Variants in ZNF730 observed in about 807,000 individuals in gnomAD.
ZNF730 encodes the protein zinc finger protein 730, also known as putative zinc finger protein 730.
ZNF730 carries 12 observed loss-of-function variants against 12.6 expected under a neutral mutation model. That is an observed-to-expected ratio of 0.95 (90% CI 0.61 to 1.54). The LOEUF (loss-of-function observed/expected upper bound fraction) is 1.54. Ranked by LOEUF, ZNF730 falls within the 40% of genes most tolerant of loss-of-function variation. The pLI is 0.00. For missense variants in ZNF730, 643 were observed against 583.5 expected (o/e 1.10, Z -1.05); for synonymous variants, 194 against 195.8 (o/e 0.99, Z 0.08).
chr19:23,130,111 C>T (rs1046390537), intron 1 of ZNF730, among the ~76,000 whole-genome samples: 1 of 152,064 alleles, frequency 6.6e-6, no homozygotes, highest in African/African-American at 2.4e-5. Flanking sequence ...GCTGTGTCCC[C>T]ACCCAAATCT....
At chr19:23,140,745 A>G (rs1599601315) in intron 3 of ZNF730, among the ~76,000 whole-genome samples, 2 of 151,826 alleles carry the variant, frequency 1.3e-5, no homozygotes, top group Admixed American at 6.6e-5. Flanking sequence ...CAAGGTCAGG[A>G]GTTCAAGACC....
intron 1 of ZNF730, among the ~76,000 whole-genome samples, chr19:23,076,104 T>C (rs939636912): frequency 3.9e-5 from 6 of 152,164 alleles, no homozygotes; most frequent in African/African-American, 1.4e-4. Context: ...GCAGTAAAAT[T>C]ATAAATTTCC....
intron 1 of ZNF730, among the ~76,000 whole-genome samples, chr19:23,082,261 T>C (rs911691058): frequency 7.2e-5 from 11 of 152,194 alleles, no homozygotes; most frequent in Non-Finnish European, 4.4e-5. Flanking sequence ...AGTAAAATTA[T>C]GAGATCATGA....
intron 1 of ZNF730, chr19:23,126,661 G>GTTTTTTTT: frequency 2.4e-6 from 1 of 412,416 alleles, no homozygotes; most frequent in Non-Finnish European, 4.8e-6. Context: ...AGTTCCACTA[G>GTTTTTTTT]TTTTTTTTTT....
chr19:23,128,981 G>A (rs1440465188), intron 1 of ZNF730, among the ~76,000 whole-genome samples: 1 of 152,154 alleles, frequency 6.6e-6, no homozygotes, highest in Non-Finnish European at 1.5e-5. Flanking sequence ...TGTTGTTTCA[G>A]AGGGTGGAAG....
At chr19:23,080,053 C>T (rs1218383097) in intron 1 of ZNF730, among the ~76,000 whole-genome samples, 1 of 151,996 alleles carries the variant, frequency 6.6e-6, no homozygotes, top group African/African-American at 2.4e-5. Flanking sequence ...TCAAGCAATT[C>T]TCCTGCCTCA....
intron 1 of ZNF730, among the ~76,000 whole-genome samples, chr19:23,105,675 C>T (rs1186425446): frequency 6.6e-6 from 1 of 151,944 alleles, no homozygotes; most frequent in Non-Finnish European, 1.5e-5. Context: ...ATCATATTAC[C>T]AGGATATCCA....
intron 1 of ZNF730, among the ~76,000 whole-genome samples, chr19:23,090,418 G>T (rs1013098219): frequency 2.0e-5 from 3 of 152,120 alleles, no homozygotes; most frequent in Non-Finnish European, 4.4e-5. Context: ...TCTGGTGGAA[G>T]AAATTTCTAA....
intron 1 of ZNF730, chr19:23,127,889 A>G: frequency 1.5e-6 from 1 of 669,904 alleles, no homozygotes; most frequent in Non-Finnish European, 2.7e-6. Context: ...CACACAGCAT[A>G]TGCTCGTAAA....
intron 1 of ZNF730, among the ~76,000 whole-genome samples, chr19:23,081,784 ACT>A (rs1969970540): frequency 6.6e-6 from 1 of 151,894 alleles, no homozygotes; most frequent in South Asian, 2.1e-4. Flanking sequence ...TTATAGACAG[ACT>A]CTTGTTCTGT....
At chr19:23,104,948 G>A (rs1395648113) in intron 1 of ZNF730, among the ~76,000 whole-genome samples, 1 of 152,106 alleles carries the variant, frequency 6.6e-6, no homozygotes, top group African/African-American at 2.4e-5. Context: ...ACACATGGCT[G>A]TGCTCAGCTT....
intron 1 of ZNF730, among the ~76,000 whole-genome samples, chr19:23,082,300 C>T (rs539689837): frequency 1.6e-4 from 24 of 151,984 alleles, no homozygotes; most frequent in Admixed American, 9.9e-4. Context: ...TATGACATTT[C>T]ACTTAACATG....
At chr19:23,131,691 G>A (rs1020232402) in intron 1 of ZNF730, among the ~76,000 whole-genome samples, 5 of 152,146 alleles carry the variant, frequency 3.3e-5, no homozygotes. Flanking sequence ...ATGACCCCAG[G>A]TGGAGAAACA....
Position 23,117,359 on chromosome 19 carries a change from C to T in ZNF730, c.3+183C>T, listed in dbSNP as rs372245615. Among the ~76,000 whole-genome samples, 287 of 152,236 alleles carry T rather than the reference C, an allele frequency of 1.9e-3. 2 individuals are homozygous for T. The highest frequency in any genetic ancestry group is 6.6e-3 in the African/African-American group (274 of 41,544). On this transcript the variant is annotated intron_variant, in intron 1 of 3. Transcript: ENST00000597761. ...TGGCGGCCGCGCTGACAGCCGGGGC[C>T]CCGGCGTCCTGTCTCTTCCCTGCAC... is the stretch of plus-strand genomic sequence containing the variant.
At chr19:23,095,366 CTGGT>C (rs991172908) in intron 1 of ZNF730, 4 of 398,560 alleles carry the variant, frequency 1.0e-5, no homozygotes, top group Non-Finnish European at 1.8e-5. Context: ...GGTCCAACAA[CTGGT>C]TGATGTAGCT....
intron 1 of ZNF730, among the ~76,000 whole-genome samples, chr19:23,084,227 T>C (rs1006558306): frequency 6.6e-6 from 1 of 152,202 alleles, no homozygotes; most frequent in Non-Finnish European, 1.5e-5. Flanking sequence ...TAGTTGGCTT[T>C]AGGTGCATAG....
intron 3 of ZNF730, among the ~76,000 whole-genome samples, chr19:23,141,055 A>G (rs1172698456): frequency 6.6e-6 from 1 of 151,978 alleles, no homozygotes; most frequent in Non-Finnish European, 1.5e-5. Flanking sequence ...TTGAGCCCCA[A>G]AATTTGAGAC....
chr19:23,120,522 G>A (rs1440089001), intron 1 of ZNF730, among the ~76,000 whole-genome samples: 1 of 151,376 alleles, frequency 6.6e-6, no homozygotes, highest in Admixed American at 6.6e-5. Context: ...TGGTAATGTC[G>A]CTTTTGTCAT....
chr19:23,118,103 C>T lies in ZNF730; in HGVS notation c.3+927C>T, dbSNP rs28884522. ...AGTTTCTTCTGATTATCCCAAATGC[C>T]AACTTTCCCTCTCTAATTCACATTA... On this transcript the variant is annotated intron_variant, in intron 1 of 3. Coordinates refer to ENST00000597761, the MANE Select transcript of ZNF730 (RefSeq NM_001277403.2). Among the ~76,000 whole-genome samples the T allele has an allele frequency of 3.0e-3, 457 of 152,250 alleles. 3 individuals carry two copies. Among genetic ancestry groups the T allele is most frequent in the African/African-American group, 0.011 (438 of 41,558 alleles).
Sources: allele counts gnomAD v4.1 joint callset (sites outside exome capture counted in the v4.1 genomes callset), GRCh38; gene constraint gnomAD v4.1.1; transcripts MANE v1.5; gene names NCBI Gene and HGNC (gene_info 2026-07-23, HGNC 2026-07-21).